The following PRKN variants were observed in gnomAD, a reference collection of about 807,000 sequenced individuals.
PRKN encodes the protein E3 ubiquitin-protein ligase parkin.
Under a neutral mutation model 59.5 loss-of-function variants are expected in PRKN, and 56 were observed. That is an observed-to-expected ratio of 0.94 (90% confidence interval 0.76 to 1.18). PRKN has a LOEUF of 1.18. Among genes scored for constraint, PRKN ranks in the 50% most tolerant of loss-of-function variants. The pLI is 0.00. For synonymous variants in PRKN, 250 were observed against 222.1 expected (o/e 1.13, Z -1.12); for missense variants, 657 against 596.4 (o/e 1.10, Z -1.06).
At chr6:162,222,745 G>T (rs9364642) in intron 3 of PRKN, among the ~76,000 whole-genome samples, 24,852 of 152,040 alleles carry the variant, frequency 0.16, 2,833 homozygotes, top group East Asian at 0.59. Context: ...ATAAATGGGT[G>T]TCGTTTAAAG....
intron 1 of PRKN, among the ~76,000 whole-genome samples, chr6:162,555,310 A>G (rs925159846): frequency 1.3e-5 from 2 of 152,190 alleles, no homozygotes; most frequent in Non-Finnish European, 2.9e-5. Context: ...AACCAGTAAA[A>G]TATTCTTTGA....
Position 162,201,118 on chromosome 6 carries a change from T to G in PRKN, c.534+13A>C. 6.2e-7 allele frequency: 1 copy of G among 1,614,074 alleles called. No individual in the cohort carries two copies. The highest frequency in any genetic ancestry group is 8.5e-7 in the Non-Finnish European group (1 of 1,179,908). ...TTTCCTGGCAGTCTCATGCTGACAC[T>G]GCATTTCCTTACCTGGGTCAAGGTG... On this transcript the variant is annotated intron_variant, in intron 4 of 11. Transcript: ENST00000366898.
intron 5 of PRKN, among the ~76,000 whole-genome samples, chr6:162,048,109 C>T (rs987149939): frequency 2.6e-5 from 4 of 151,994 alleles, no homozygotes; most frequent in Non-Finnish European, 5.9e-5. Context: ...AAGAGTTGAA[C>T]TCCAGTCAAA....
At chr6:162,726,411 G>A (rs1779191661) in intron 1 of PRKN, among the ~76,000 whole-genome samples, 1 of 152,084 alleles carries the variant, frequency 6.6e-6, no homozygotes, top group Non-Finnish European at 1.5e-5. Context: ...CCTAAAAAGA[G>A]CTCAAGAAGA....
At chr6:161,845,021 C>T (rs1016482695) in intron 6 of PRKN, among the ~76,000 whole-genome samples, 5 of 152,138 alleles carry the variant, frequency 3.3e-5, no homozygotes, top group South Asian at 2.1e-4. Context: ...TGTAAATGAG[C>T]GGGACAGAGG....
At chr6:162,651,657 G>A (rs1397942960) in intron 1 of PRKN, among the ~76,000 whole-genome samples, 2 of 152,112 alleles carry the variant, frequency 1.3e-5, no homozygotes, top group Non-Finnish European at 2.9e-5. Context: ...ACACTGACAA[G>A]ATCCTCAATA....
chr6:162,109,740 C>T (rs1780342229), intron 4 of PRKN, among the ~76,000 whole-genome samples: 1 of 152,218 alleles, frequency 6.6e-6, no homozygotes, highest in Admixed American at 6.5e-5. Flanking sequence ...GTCCCTTAAA[C>T]ACTTTCCAAC....
In PRKN at chr6:161,429,985, T is replaced by C. The variant is rs1422701537; in HGVS notation, c.1084-43108A>G. On this transcript the variant is annotated intron_variant, in intron 9 of 11. Transcript: ENST00000366898. The surrounding 1 kb of genome is among the most constrained non-coding windows in gnomAD (Gnocchi z 4.2). ...ATGCATTATTTACAGCAATATCTTT[T>C]TTCCTGTGCTGGTTTCTCAAATCCC... 6.6e-6 allele frequency among the ~76,000 whole-genome samples: 1 copy of C among 152,184 alleles called. No homozygotes were observed. The highest frequency in any genetic ancestry group is 1.9e-4 in the East Asian group (1 of 5,192).
At chr6:162,346,726 T>G (rs952178437) in intron 2 of PRKN, among the ~76,000 whole-genome samples, 6 of 152,144 alleles carry the variant, frequency 3.9e-5, no homozygotes, top group Non-Finnish European at 8.8e-5. Context: ...TTTTTCAGCA[T>G]CTACTGAGAT....
intron 3 of PRKN, among the ~76,000 whole-genome samples, chr6:162,242,414 C>T (rs1440933356): frequency 6.6e-6 from 1 of 152,104 alleles, no homozygotes; most frequent in Non-Finnish European, 1.5e-5. Flanking sequence ...ACATGAACCT[C>T]TTAGTAGTCA....
chr6:162,072,328 G>C (rs2128291080), intron 4 of PRKN, among the ~76,000 whole-genome samples: 1 of 152,228 alleles, frequency 6.6e-6, no homozygotes, highest in East Asian at 1.9e-4. Flanking sequence ...GAGACTCTTT[G>C]AGGGTATATT....
chr6:161,419,032 C>T lies in PRKN; in HGVS notation c.1084-32155G>A, dbSNP rs9458243. Among the ~76,000 whole-genome samples, 2,169 of 152,198 alleles carry T rather than the reference C, an allele frequency of 0.014. 50 individuals are homozygous for T. The highest frequency in any genetic ancestry group is 0.048 in the African/African-American group (2,007 of 41,498). ...GCAGTAAAGCGAGTCTCTGAAAATA[C>T]GTTGGATGTAAACACATCGTTTACA... On this transcript the variant is annotated intron_variant, in intron 9 of 11. Transcript: ENST00000366898. This position sits in a 1 kb window ranked among gnomAD's most constrained non-coding sequence, Gnocchi z 4.1.
intron 6 of PRKN, among the ~76,000 whole-genome samples, chr6:161,830,663 T>C (rs986703371): frequency 2.0e-5 from 3 of 152,240 alleles, no homozygotes; most frequent in African/African-American, 4.8e-5. Context: ...AAATTGTATA[T>C]ATTCATGGTA....
chr6:161,966,068 G>A (rs907492838), intron 6 of PRKN, among the ~76,000 whole-genome samples: 3 of 152,030 alleles, frequency 2.0e-5, no homozygotes, highest in African/African-American at 7.3e-5. Flanking sequence ...GGACAGCTTT[G>A]TAGGGCCATT....
intron 8 of PRKN, among the ~76,000 whole-genome samples, chr6:161,559,094 A>G (rs559599936): frequency 1.3e-5 from 2 of 150,560 alleles, no homozygotes; most frequent in African/African-American, 2.4e-5. Flanking sequence ...CAAGCAACAG[A>G]TCATATCCGG....
chr6:162,036,885 C>T (rs576103951), intron 5 of PRKN, among the ~76,000 whole-genome samples: 1 of 151,938 alleles, frequency 6.6e-6, no homozygotes, highest in Non-Finnish European at 1.5e-5. Context: ...AAGAAAATAA[C>T]CATAATAGTA....
intron 7 of PRKN, among the ~76,000 whole-genome samples, chr6:161,627,308 A>G (rs1783125347): frequency 1.3e-5 from 2 of 152,230 alleles, no homozygotes; most frequent in South Asian, 4.1e-4. Context: ...AGTTTTCTGA[A>G]TCAAAGGGCA....
intron 6 of PRKN, among the ~76,000 whole-genome samples, chr6:161,826,108 G>C (rs553964327): frequency 6.6e-6 from 1 of 152,088 alleles, no homozygotes; most frequent in Non-Finnish European, 1.5e-5. Context: ...AAAAAGCCTG[G>C]CAATCTAGCA....
intron 9 of PRKN, among the ~76,000 whole-genome samples, chr6:161,536,738 T>C (rs1779428714): frequency 6.6e-6 from 1 of 152,206 alleles, no homozygotes; most frequent in Non-Finnish European, 1.5e-5. Flanking sequence ...ATGCTCAGAA[T>C]ATTAAAAGCA....
Sources: allele counts gnomAD v4.1 joint callset (sites outside exome capture counted in the v4.1 genomes callset), GRCh38; gene constraint gnomAD v4.1.1; non-coding constraint Gnocchi (gnomAD v3.1); transcripts MANE v1.5; gene names NCBI Gene and HGNC (gene_info 2026-07-23, HGNC 2026-07-21).